The following TGFBR1 variants were observed in gnomAD, a reference collection of about 807,000 sequenced individuals.
TGFBR1 encodes transforming growth factor beta receptor 1.
In TGFBR1, 20 loss-of-function variants were observed where a neutral mutation model predicts 55.1. The observed-to-expected ratio is 0.36, with a 90% CI of 0.26 to 0.53. The LOEUF (loss-of-function observed/expected upper bound fraction) is 0.53, where lower values mean the gene tolerates loss of function less well. Ranked by LOEUF, TGFBR1 falls within the 20% of genes least tolerant of loss-of-function variation. The probability of loss-of-function intolerance (pLI) is 0.91; values close to 1 mark genes in which losing one functional copy is unlikely to be tolerated. For synonymous variants in TGFBR1, 220 were observed against 214.8 expected (o/e 1.02, Z -0.21); for missense variants, 385 against 617.6 (o/e 0.62, Z 3.99).
chr9:99,125,264 C>A (rs920483713), intron 1 of TGFBR1, among the ~76,000 whole-genome samples: 5 of 152,170 alleles, frequency 3.3e-5, no homozygotes, highest in Non-Finnish European at 5.9e-5. Context: ...AAACACTTGA[C>A]AGCAAGCATT....
At chr9:99,134,309 C>T (rs960031778) in intron 3 of TGFBR1, among the ~76,000 whole-genome samples, 5 of 152,168 alleles carry the variant, frequency 3.3e-5, no homozygotes, top group Non-Finnish European at 4.4e-5. Flanking sequence ...CACACAGGCT[C>T]GCACTGGAGC....
intron 4 of TGFBR1, among the ~76,000 whole-genome samples, chr9:99,138,773 C>T (rs1047315104): frequency 3.3e-5 from 5 of 152,042 alleles, no homozygotes; most frequent in Non-Finnish European, 7.4e-5. Context: ...TTCTTAGCTT[C>T]CGTTAATACC....
rs1261411221 is a variant in TGFBR1 at position 99,151,396 on chromosome 9, TG to T, written c.*2092del. The T allele has an allele frequency of 5.7e-5, 12 of 211,646 alleles. No homozygotes were observed. The highest frequency in any genetic ancestry group is 2.1e-4 in the South Asian group (1 of 4,816). 13.1% of individuals were successfully genotyped at this position (211,646 alleles called of 1,614,324 possible). Reference sequence around the variant, plus strand: ...ACTTTTTTTGTGGGGGTTTTTTTTTTGTTTTTTTTTTTTTGTTGTTGTTTTT... The same window carrying T: ...ACTTTTTTTGTGGGGGTTTTTTTTTTTTTTTTTTTTTTTGTTGTTGTTTTT... On this transcript the variant is annotated 3_prime_UTR_variant, in exon 9 of 9. Transcript: ENST00000374994.
At chr9:99,144,943 C>A (rs1280398231) in intron 6 of TGFBR1, 55 bp downstream of exon 6, 1 of 1,581,874 alleles carries the variant, frequency 6.3e-7, no homozygotes, top group Non-Finnish European at 8.7e-7. Context: ...TTTTTCCCTT[C>A]TCTTTCATAT....
intron 4 of TGFBR1, among the ~76,000 whole-genome samples, chr9:99,141,341 G>T (rs1827611539): frequency 6.6e-6 from 1 of 152,158 alleles, no homozygotes; most frequent in Non-Finnish European, 1.5e-5. Flanking sequence ...AGAATCTTCT[G>T]AAAAGTTTCT....
intron 3 of TGFBR1, among the ~76,000 whole-genome samples, chr9:99,133,235 C>T (rs1827303344): frequency 6.6e-6 from 1 of 152,102 alleles, no homozygotes; most frequent in African/African-American, 2.4e-5. Flanking sequence ...TTCGTATAGG[C>T]CTGGTTTTTT....
At chr9:99,138,328 T>C (rs1827504860) in intron 4 of TGFBR1, among the ~76,000 whole-genome samples, 1 of 152,218 alleles carries the variant, frequency 6.6e-6, no homozygotes, top group Non-Finnish European at 1.5e-5. Flanking sequence ...ATAAAAGAGC[T>C]ATTTTAAAAA....
chr9:99,130,343 A>T (rs558503886), intron 2 of TGFBR1, among the ~76,000 whole-genome samples: 1 of 152,286 alleles, frequency 6.6e-6, no homozygotes, highest in Non-Finnish European at 1.5e-5. Context: ...TCTCCACTCA[A>T]AGTTGGTCCA....
chr9:99,111,498 A>G (rs1365752617), intron 1 of TGFBR1, among the ~76,000 whole-genome samples: 1 of 151,828 alleles, frequency 6.6e-6, no homozygotes, highest in Non-Finnish European at 1.5e-5. Context: ...ACGTAGTGGC[A>G]GGCACCTGTA....
intron 4 of TGFBR1, among the ~76,000 whole-genome samples, chr9:99,140,232 C>CGAGGTCAA (rs1341153475): frequency 6.6e-6 from 1 of 152,084 alleles, no homozygotes; most frequent in African/African-American, 2.4e-5. Context: ...GGGTGGATCA[C>CGAGGTCAA]GAGGTCAAGA....
chr9:99,129,731 C>T (rs1436192180), intron 2 of TGFBR1, among the ~76,000 whole-genome samples: 1 of 152,038 alleles, frequency 6.6e-6, no homozygotes, highest in Non-Finnish European at 1.5e-5. Flanking sequence ...AAAACCCTAT[C>T]TCTACTAAAA....
intron 1 of TGFBR1, among the ~76,000 whole-genome samples, chr9:99,120,975 G>A (rs1300394540): frequency 6.6e-6 from 1 of 152,088 alleles, no homozygotes; most frequent in East Asian, 1.9e-4. Flanking sequence ...ACATTATATT[G>A]GCTAATTCCA....
chr9:99,113,236 T>C (rs1259934416), intron 1 of TGFBR1, among the ~76,000 whole-genome samples: 1 of 152,220 alleles, frequency 6.6e-6, no homozygotes, highest in Non-Finnish European at 1.5e-5. Context: ...TTGGCTGAGA[T>C]AAAAGAGAGG....
In TGFBR1 at chr9:99,149,911, A is replaced by G. The variant is rs1346444681; in HGVS notation, c.*606A>G. 5.0e-6 allele frequency: 1 copy of G among 200,812 alleles called. No homozygotes were observed. Among genetic ancestry groups the G allele is most frequent in the Non-Finnish European group, 1.0e-5 (1 of 97,314 alleles). 12.4% of individuals were successfully genotyped at this position (200,812 alleles called of 1,614,324 possible). A position where few individuals can be genotyped will look rare whatever the true frequency, so the allele number is the denominator to read the frequency against. ...ATTATTGTTCTTTCACTTATTCAGA[A>G]CATTACATGCCTTCAAAATGGGATT... On this transcript the variant is annotated 3_prime_UTR_variant, in exon 9 of 9. Coordinates refer to ENST00000374994, the MANE Select transcript of TGFBR1 (RefSeq NM_004612.4).
chr9:99,149,608 ACT>A lies in TGFBR1; in HGVS notation c.*306_*307del, dbSNP rs1827921219. 3 of 406,776 alleles carry A rather than the reference ACT, an allele frequency of 7.4e-6. No individual in the cohort carries two copies. The highest frequency in any genetic ancestry group is 4.2e-5 in the East Asian group (1 of 23,762). 25.2% of individuals were successfully genotyped at this position (406,776 alleles called of 1,614,324 possible). The stretch of plus-strand genomic sequence containing the variant: ...TGATTGCTGGTCTTAACTTTAGGTA[ACT>A]CTGCTGTGCTGGAGATCATCTTTAA... On this transcript the variant is annotated 3_prime_UTR_variant, in exon 9 of 9. Coordinates refer to ENST00000374994, the MANE Select transcript of TGFBR1 (RefSeq NM_004612.4).
intron 7 of TGFBR1, among the ~76,000 whole-genome samples, chr9:99,147,026 A>G (rs1198691188): frequency 6.6e-6 from 1 of 152,132 alleles, no homozygotes; most frequent in Non-Finnish European, 1.5e-5. Flanking sequence ...GAATACAATT[A>G]TGTTACCATT....
rs747584981 is a variant in TGFBR1 at position 99,146,515 on chromosome 9, C to T, written c.1161C>T (p.Ser387=). ...RYMAPEVLDD[S]INMKHFESFK... ...TGGCCCCTGAAGTTCTCGATGATTC[C>T]ATAAATATGAAACATTTTGAATCCT... The change falls in exon 7 of 9, where the codon TCC becomes TCT. Residue 387 remains serine, a synonymous_variant. Transcript: ENST00000374994. The T allele has an allele frequency of 6.2e-7, 1 of 1,613,816 alleles. No homozygotes were observed. The highest frequency in any genetic ancestry group is 8.5e-7 in the Non-Finnish European group (1 of 1,179,882).
intron 1 of TGFBR1, among the ~76,000 whole-genome samples, chr9:99,108,462 G>A (rs997542985): frequency 6.6e-6 from 1 of 152,192 alleles, no homozygotes; most frequent in Non-Finnish European, 1.5e-5. Flanking sequence ...TACCCTTGTA[G>A]TGCCAGTTGT....
At chr9:99,114,655 G>C (rs1826682256) in intron 1 of TGFBR1, among the ~76,000 whole-genome samples, 2 of 152,196 alleles carry the variant, frequency 1.3e-5, no homozygotes, top group African/African-American at 4.8e-5. Flanking sequence ...CTGATGTAAG[G>C]CTAGGACATT....
Sources: gnomAD v4.1 joint callset for allele counts (sites outside exome capture counted in the v4.1 genomes callset) on GRCh38, gnomAD v4.1.1 for gene constraint, MANE v1.5 for transcripts, NCBI Gene and HGNC (gene_info 2026-07-23, HGNC 2026-07-21) for gene names.